Variants in EXD3 observed in about 807,000 individuals in gnomAD.
EXD3 encodes exonuclease 3'-5' domain containing 3, also known as exonuclease mut-7 homolog.
EXD3 carries 92 observed loss-of-function variants against 98.0 expected under a neutral mutation model. The observed-to-expected ratio is 0.94, with a 90% confidence interval of 0.79 to 1.12. The LOEUF (loss-of-function observed/expected upper bound fraction) is 1.12, where lower values mean the gene tolerates loss of function less well. EXD3 is among the 50% of genes most tolerant of loss of function. The probability of loss-of-function intolerance (pLI) is 0.00; values close to 1 mark genes in which losing one functional copy is unlikely to be tolerated. For synonymous variants in EXD3, 569 were observed against 526.0 expected (o/e 1.08, Z -1.12); for missense variants, 1,222 against 1,191.6 (o/e 1.03, Z -0.38).
At chr9:137,375,693 CGTGAGTTCTAGCCCTA>C (rs1158258018) in intron 3 of EXD3, among the ~76,000 whole-genome samples, 12 of 151,122 alleles carry the variant, frequency 7.9e-5, no homozygotes, top group East Asian at 3.9e-4. Context: ...TTCTAGCTTT[CGTGAGTTCTAGCCCTA>C]GTGAGTTCTA....
chr9:137,413,605 G>A (rs1044440125), intron 1 of EXD3, among the ~76,000 whole-genome samples: 5 of 147,542 alleles, frequency 3.4e-5, no homozygotes, highest in African/African-American at 5.0e-5. Context: ...TGGCTCAAGT[G>A]ATTCTTGTGC....
rs545870588 is a variant in EXD3, at chr9:137,395,076, G to A, written c.55+227C>T. ...CCGGCGCCAGGCCACCCACGCTGGG[G>A]CCCAAGGAGGCGGCCTGTCCTGACC... On this transcript the variant is annotated intron_variant, in intron 2 of 21. Transcript: ENST00000340951. This position sits in a 1 kb window ranked among gnomAD's most constrained non-coding sequence, Gnocchi z 6.5. 1.1e-4 allele frequency among the ~76,000 whole-genome samples: 17 copies of A among 152,212 alleles called. No individual in the cohort carries two copies. Among genetic ancestry groups the A allele is most frequent in the African/African-American group, 3.9e-4 (16 of 41,536 alleles).
In EXD3 at chr9:137,378,749, C is replaced by T. The variant is rs61004477; in HGVS notation, c.120+4564G>A. ...AATGAAGAAGCAAGTCACAAAAGAC[C>T]CCATGTTATGTGACCGCATGTGTGT... On this transcript the variant is annotated intron_variant, in intron 3 of 21. Coordinates refer to ENST00000340951, the MANE Select transcript of EXD3 (RefSeq NM_017820.5). 9.7e-3 allele frequency among the ~76,000 whole-genome samples: 1,476 copies of T among 152,328 alleles called. 27 individuals carry two copies. Among genetic ancestry groups the T allele is most frequent in the African/African-American group, 0.032 (1,331 of 41,576 alleles).
Position 137,407,314 on chromosome 9 carries a change from G to A in EXD3, c.-47-11910C>T, listed in dbSNP as rs1019616393. On this transcript the variant is annotated intron_variant, in intron 1 of 21. Coordinates refer to ENST00000340951, the MANE Select transcript of EXD3 (RefSeq NM_017820.5). The surrounding 1 kb of genome is among the most constrained non-coding windows in gnomAD (Gnocchi z 4.4). ...AGCCCGGCGGCCGCGGCGAACACGGGGCGGCCCCTCCACCTCTGTCCGCCT... is the reference window on the plus strand; with the variant it reads ...AGCCCGGCGGCCGCGGCGAACACGGAGCGGCCCCTCCACCTCTGTCCGCCT... Among the ~76,000 whole-genome samples the A allele has an allele frequency of 2.6e-5, 4 of 152,206 alleles. No individual in the cohort carries two copies. The highest frequency in any genetic ancestry group is 5.9e-5 in the Non-Finnish European group (4 of 68,028).
chr9:137,318,533 G>A (rs534092423), intron 19 of EXD3, among the ~76,000 whole-genome samples: 1 of 152,178 alleles, frequency 6.6e-6, no homozygotes. Context: ...CATGTCAGGG[G>A]TTCATGGTAA....
chr9:137,354,626 G>A (rs564933575), intron 9 of EXD3, 74 bp downstream of exon 9: 5 of 1,594,394 alleles, frequency 3.1e-6, no homozygotes, highest in Non-Finnish European at 4.3e-6. Context: ...GCAGTGCGCA[G>A]TGAGTATCCC....
rs887344942 is a variant in EXD3 at position 137,371,009 on chromosome 9, G to A, written c.462+1896C>T. On this transcript the variant is annotated intron_variant, in intron 5 of 21. Transcript: ENST00000340951. This position sits in a 1 kb window ranked among gnomAD's most constrained non-coding sequence, Gnocchi z 8.0. ...GCGGCCTCTTTCGGCCGGGCGCGGC[G>A]GTGAGCAGTGGAGCATGCATCGCCT... 2.0e-5 allele frequency among the ~76,000 whole-genome samples: 3 copies of A among 152,184 alleles called. No individual in the cohort carries two copies. The highest frequency in any genetic ancestry group is 2.9e-5 in the Non-Finnish European group (2 of 68,030).
chr9:137,375,930 C>T (rs180694822), intron 3 of EXD3, among the ~76,000 whole-genome samples: 210 of 152,230 alleles, frequency 1.4e-3, no homozygotes, highest in East Asian at 8.1e-3. Context: ...TGGGGAGTAA[C>T]GGGACATCGA....
chr9:137,355,443 G>GGGAGGAGGGAGGAAGGAGGAAGGAGGAA (rs1564507957), intron 8 of EXD3, among the ~76,000 whole-genome samples: 4 of 15,906 alleles, frequency 2.5e-4, no homozygotes, highest in Non-Finnish European at 7.0e-4. Context: ...GATGGAGGAA[G>GGGAGGAGGGAGGAAGGAGGAAGGAGGAA]GGAGGATGGA....
intron 1 of EXD3, among the ~76,000 whole-genome samples, chr9:137,404,653 G>C (rs1837633785): frequency 6.6e-6 from 1 of 152,202 alleles, no homozygotes; most frequent in Non-Finnish European, 1.5e-5. Flanking sequence ...CTGAGGTCGG[G>C]AGTTCGAGAC....
At chr9:137,414,940 T>C (rs1459141668) in intron 1 of EXD3, among the ~76,000 whole-genome samples, 1 of 152,074 alleles carries the variant, frequency 6.6e-6, no homozygotes, top group Non-Finnish European at 1.5e-5. Context: ...CAAGCTGGAG[T>C]GCAGGGGGGC....
At position 137,307,258 on chromosome 9, in the gene EXD3, C is replaced by T; in HGVS notation, c.2323G>A (p.Ala775Thr). The T allele has an allele frequency of 6.5e-7, 1 of 1,531,518 alleles. No homozygotes were observed. The highest frequency in any genetic ancestry group is 1.3e-5 in the South Asian group (1 of 79,798). 94.9% of individuals were successfully genotyped at this position (1,531,518 alleles called of 1,614,324 possible). ...QSQAVQEPGP[A>T]PDAAPEGCTY... ...CAGCCCTCAGGGGCTGCGTCTGGGG[C>T]TGGGCCTGGACAGATAGAAGTGGAC... Residue 775 changes from alanine (A) to threonine (T), a missense_variant, in exon 22 of 22, where the codon GCC becomes ACC. Physicochemically the swap from Ala to Thr is moderately conservative, Grantham distance 58 (BLOSUM62 0). Transcript: ENST00000340951.
intron 17 of EXD3, among the ~76,000 whole-genome samples, chr9:137,338,072 C>G (rs992164484): frequency 1.3e-5 from 2 of 152,318 alleles, no homozygotes; most frequent in Non-Finnish European, 1.5e-5. Flanking sequence ...CAGGCGTGAG[C>G]CACTGTGCCC....
chr9:137,395,231 A>G lies in EXD3; in HGVS notation c.55+72T>C. 1 of 1,144,008 alleles carries G rather than the reference A, an allele frequency of 8.7e-7. No individual in the cohort carries two copies. Among genetic ancestry groups the G allele is most frequent in the Non-Finnish European group, 1.3e-6 (1 of 760,000 alleles). 70.9% of individuals were successfully genotyped at this position (1,144,008 alleles called of 1,614,324 possible). A position where few individuals can be genotyped will look rare whatever the true frequency, so the allele number is the denominator to read the frequency against. ...CACTGAGTACACAGTGGGCGCCACC[A>G]CCCCCCATGCACACCCACGCACCTC... On this transcript the variant is annotated intron_variant, in intron 2 of 21. Coordinates refer to ENST00000340951, the MANE Select transcript of EXD3 (RefSeq NM_017820.5). This position sits in a 1 kb window ranked among gnomAD's most constrained non-coding sequence, Gnocchi z 6.5.
chr9:137,388,226 A>G (rs1220600709), intron 2 of EXD3, among the ~76,000 whole-genome samples: 8 of 151,896 alleles, frequency 5.3e-5, no homozygotes, highest in Non-Finnish European at 1.2e-4. Context: ...ACCCTCCCCA[A>G]AACGTGCCTG....
intron 17 of EXD3, among the ~76,000 whole-genome samples, chr9:137,341,035 G>A (rs1022934859): frequency 1.1e-4 from 17 of 152,266 alleles, no homozygotes; most frequent in African/African-American, 3.9e-4. Flanking sequence ...TCAAGGCCAA[G>A]CTGGGCAGGG....
intron 19 of EXD3, among the ~76,000 whole-genome samples, chr9:137,322,039 G>T (rs1474087382): frequency 6.6e-6 from 1 of 152,162 alleles, no homozygotes; most frequent in African/African-American, 2.4e-5. Context: ...GGTGAGTTGG[G>T]CTTTGGTGCC....
At chr9:137,329,978 G>A (rs149584371) in intron 17 of EXD3, among the ~76,000 whole-genome samples, 321 of 6,796 alleles carry the variant, frequency 0.047, 18 homozygotes, top group Middle Eastern at 0.12. Context: ...GGAGCTACAC[G>A]GGACTACACA....
rs11523302 is a variant in EXD3 at position 137,382,015 on chromosome 9, A to G, written c.120+1298T>C. Among the ~76,000 whole-genome samples, 394 of 59,372 alleles carry G rather than the reference A, an allele frequency of 6.6e-3. 1 individual carries two copies. The highest frequency in any genetic ancestry group is 0.038 in the Middle Eastern group (3 of 78). 39.0% of individuals were successfully genotyped at this position (59,372 alleles called of 152,430 possible). A position where few individuals can be genotyped will look rare whatever the true frequency, so the allele number is the denominator to read the frequency against. On this transcript the variant is annotated intron_variant, in intron 3 of 21. Transcript: ENST00000340951. The stretch of plus-strand genomic sequence containing the variant: ...GTGAGGACGCGGGGAGGAGGTGAGG[A>G]CGCGGGGAGGAGGTGAGGGCGCGGG...
Sources: gnomAD v4.1 joint callset for allele counts (sites outside exome capture counted in the v4.1 genomes callset) on GRCh38, gnomAD v4.1.1 for gene constraint, Gnocchi (gnomAD v3.1) non-coding constraint, MANE v1.5 for transcripts, NCBI Gene and HGNC (gene_info 2026-07-23, HGNC 2026-07-21) for gene names.